Variants in UBE2E1 observed in about 807,000 individuals in gnomAD.
UBE2E1 encodes the protein ubiquitin-conjugating enzyme E2 E1.
UBE2E1 carries 6 observed loss-of-function variants against 21.4 expected under a neutral mutation model. That is an observed-to-expected ratio of 0.28 (90% CI 0.15 to 0.55). The LOEUF (loss-of-function observed/expected upper bound fraction) is 0.55. Ranked by LOEUF, UBE2E1 falls within the 20% of genes least tolerant of loss-of-function variation. The pLI, the probability that UBE2E1 is intolerant of heterozygous loss-of-function variation, is 0.93. For synonymous variants in UBE2E1, 87 were observed against 82.7 expected, an observed-to-expected ratio of 1.05 and a Z score of -0.28; for missense variants, 142 against 236.5, an observed-to-expected ratio of 0.60 and a Z score of 2.62.
intron 3 of UBE2E1, among the ~76,000 whole-genome samples, chr3:23,815,096 T>C (rs893805015): frequency 5.9e-5 from 9 of 152,188 alleles, no homozygotes. Context: ...TCCTCCTGCT[T>C]CAGGCCCCCA....
At chr3:23,843,178 G>T (rs1293771212) in intron 3 of UBE2E1, among the ~76,000 whole-genome samples, 2 of 151,614 alleles carry the variant, frequency 1.3e-5, no homozygotes, top group African/African-American at 4.8e-5. Flanking sequence ...AAGTTTTGTT[G>T]AGAGTAGTGA....
chr3:23,887,730 C>T lies in UBE2E1; in HGVS notation c.336+31C>T. ...AAATCTCCCTGTATGCTCAAATTTA[C>T]TAATTCCCACAAGAGAGCAACTGTT... is the stretch of plus-strand genomic sequence containing the variant. On this transcript the variant is annotated intron_variant, in intron 4 of 5. Coordinates refer to ENST00000306627, the MANE Select transcript of UBE2E1 (RefSeq NM_003341.5). The surrounding 1 kb of genome is among the most constrained non-coding windows in gnomAD (Gnocchi z 4.4). 6.3e-7 allele frequency: 1 copy of T among 1,584,016 alleles called. No individual in the cohort carries two copies. The highest frequency in any genetic ancestry group is 8.5e-7 in the Non-Finnish European group (1 of 1,171,108).
intron 3 of UBE2E1, among the ~76,000 whole-genome samples, chr3:23,841,106 A>G (rs1396484588): frequency 3.2e-4 from 48 of 152,238 alleles, no homozygotes; most frequent in Non-Finnish European, 1.3e-4. Flanking sequence ...TTATACATCT[A>G]TAATGATATT....
In UBE2E1 at chr3:23,890,721, A is replaced by C. The variant is rs896345111; in HGVS notation, c.*115A>C. 2 of 875,024 alleles carry C rather than the reference A, an allele frequency of 2.3e-6. No individual in the cohort carries two copies. The highest frequency in any genetic ancestry group is 3.0e-5 in the East Asian group (1 of 33,364). The allele number at this position is 875,024 out of a possible 1,614,324, so 54.2% of individuals were successfully genotyped here. A position where few individuals can be genotyped will look rare whatever the true frequency, so the allele number is the denominator to read the frequency against. ...AAAGAGTAGGGTATTTCTATAACAG[A>C]TATTATTCAGTCTTATTTCCTAAGA... is the stretch of plus-strand genomic sequence containing the variant. On this transcript the variant is annotated 3_prime_UTR_variant, in exon 6 of 6. Transcript: ENST00000306627.
chr3:23,888,873 TGCTA>T (rs1701267681), intron 4 of UBE2E1, among the ~76,000 whole-genome samples: 1 of 152,206 alleles, frequency 6.6e-6, no homozygotes, highest in Non-Finnish European at 1.5e-5. Flanking sequence ...GATTTAAAAT[TGCTA>T]AAGATGAAAT....
intron 3 of UBE2E1, among the ~76,000 whole-genome samples, chr3:23,828,488 A>G (rs952759113): frequency 1.3e-5 from 2 of 152,268 alleles, no homozygotes; most frequent in Non-Finnish European, 2.9e-5. Context: ...GATATTTACC[A>G]GTGCTAATCG....
intron 3 of UBE2E1, among the ~76,000 whole-genome samples, chr3:23,817,093 A>G (rs1699538619): frequency 1.3e-5 from 2 of 152,224 alleles, no homozygotes; most frequent in South Asian, 2.1e-4. Context: ...CAATACTCAC[A>G]GTTTTTGGGG....
chr3:23,883,383 ATTC>A (rs1464805603), intron 3 of UBE2E1, among the ~76,000 whole-genome samples: 1 of 152,076 alleles, frequency 6.6e-6, no homozygotes, highest in Non-Finnish European at 1.5e-5. Context: ...CTTACTCCCT[ATTC>A]TTCTGACACT....
chr3:23,867,902 A>G (rs73825124), intron 3 of UBE2E1, among the ~76,000 whole-genome samples: 29,501 of 152,198 alleles, frequency 0.19, 2,839 homozygotes, highest in Non-Finnish European at 0.2. Context: ...CTGTCCTTCA[A>G]TGTGACCACA....
At chr3:23,881,702 T>G (rs534844218) in intron 3 of UBE2E1, among the ~76,000 whole-genome samples, 1 of 152,324 alleles carries the variant, frequency 6.6e-6, no homozygotes, top group South Asian at 2.1e-4. Context: ...GCTCCCATTG[T>G]GTCCGGAATT....
chr3:23,888,134 G>C, intron 4 of UBE2E1: 1 of 440,210 alleles, frequency 2.3e-6, no homozygotes, highest in Admixed American at 2.5e-5. Context: ...AAAAAGGCAG[G>C]GCAGGTCAGG....
In UBE2E1 at chr3:23,863,552, C is replaced by T. The variant is rs1044408397; in HGVS notation, c.204-24015C>T. 1.3e-5 allele frequency among the ~76,000 whole-genome samples: 2 copies of T among 152,052 alleles called. No individual in the cohort carries two copies. Among genetic ancestry groups the T allele is most frequent in the African/African-American group, 2.4e-5 (1 of 41,378 alleles). On this transcript the variant is annotated intron_variant, in intron 3 of 5. Coordinates refer to ENST00000306627, the MANE Select transcript of UBE2E1 (RefSeq NM_003341.5). This position sits in a 1 kb window ranked among gnomAD's most constrained non-coding sequence, Gnocchi z 4.3. ...TATTTTACTTTTTATTTTTTTGAGA[C>T]GGAGTTTCGCTCTTGTTGCGCAGGC...
chr3:23,880,991 T>C (rs1267359147), intron 3 of UBE2E1, among the ~76,000 whole-genome samples: 2 of 152,222 alleles, frequency 1.3e-5, no homozygotes, highest in South Asian at 2.1e-4. Flanking sequence ...CAATATAATA[T>C]TGAGGCATAA....
chr3:23,874,681 T>C (rs1700878197), intron 3 of UBE2E1, among the ~76,000 whole-genome samples: 1 of 152,156 alleles, frequency 6.6e-6, no homozygotes, highest in South Asian at 2.1e-4. Context: ...CAGATTAGAA[T>C]TGTTCCAACT....
chr3:23,854,300 G>A (rs576550232), intron 3 of UBE2E1, among the ~76,000 whole-genome samples: 1 of 151,768 alleles, frequency 6.6e-6, no homozygotes, highest in South Asian at 2.1e-4. Context: ...GGTTCAGAGA[G>A]GGTATTTAAC....
chr3:23,838,548 G>A (rs776275932), intron 3 of UBE2E1, among the ~76,000 whole-genome samples: 1 of 152,068 alleles, frequency 6.6e-6, no homozygotes, highest in Non-Finnish European at 1.5e-5. Context: ...AGGCCGGAGT[G>A]CAGTGGCCTG....
chr3:23,872,407 T>C (rs1700823959), intron 3 of UBE2E1, among the ~76,000 whole-genome samples: 2 of 152,024 alleles, frequency 1.3e-5, no homozygotes, highest in Non-Finnish European at 2.9e-5. Flanking sequence ...AGAGGCCTAT[T>C]TAAAATTCTT....
intron 3 of UBE2E1, among the ~76,000 whole-genome samples, chr3:23,874,723 A>G (rs1559492261): frequency 6.6e-6 from 1 of 152,168 alleles, no homozygotes; most frequent in South Asian, 2.1e-4. Context: ...GAAAAGACCT[A>G]TTGTTGGATC....
intron 3 of UBE2E1, among the ~76,000 whole-genome samples, chr3:23,817,049 A>T (rs902174823): frequency 6.6e-6 from 1 of 152,236 alleles, no homozygotes; most frequent in South Asian, 2.1e-4. Flanking sequence ...AATATTAATC[A>T]GTATTTTGAG....
Sources: gnomAD v4.1 joint callset for allele counts (sites outside exome capture counted in the v4.1 genomes callset) on GRCh38, gnomAD v4.1.1 for gene constraint, Gnocchi (gnomAD v3.1) non-coding constraint, MANE v1.5 for transcripts, NCBI Gene and HGNC (gene_info 2026-07-23, HGNC 2026-07-21) for gene names.